The following FAM135B variants were observed in gnomAD, a reference collection of about 807,000 sequenced individuals.
FAM135B encodes family with sequence similarity 135 member B, also known as protein FAM135B.
In FAM135B, 43 loss-of-function variants were observed where a neutral mutation model predicts 127.7. The ratio of observed to expected loss-of-function variants is 0.34; its 90% CI spans 0.26 to 0.43. FAM135B has a LOEUF of 0.43. Ranked by LOEUF, FAM135B falls within the 20% of genes least tolerant of loss-of-function variation. The pLI, the probability that FAM135B is intolerant of heterozygous loss-of-function variation, is 1.00. For synonymous variants in FAM135B, 670 were observed against 665.1 expected, an observed-to-expected ratio of 1.01 and a Z score of -0.11; for missense variants, 1,558 against 1,725.6, an observed-to-expected ratio of 0.90 and a Z score of 1.72.
At chr8:138,404,331 T>A (rs7833707) in intron 1 of FAM135B, among the ~76,000 whole-genome samples, 60,683 of 151,994 alleles carry the variant, frequency 0.4, 12,591 homozygotes, top group African/African-American at 0.52. Context: ...ATTATAATAA[T>A]CATCTGAACC....
chr8:138,431,407 A>G (rs1337883556), intron 1 of FAM135B, among the ~76,000 whole-genome samples: 1 of 152,218 alleles, frequency 6.6e-6, no homozygotes, highest in Non-Finnish European at 1.5e-5. Flanking sequence ...ACCTGAAAGA[A>G]CGAGATAATG....
rs771996012 is a variant in FAM135B, at chr8:138,151,432, T to TC, written c.3042dup (p.Thr1015AspfsTer72). The TC allele has an allele frequency of 6.2e-7, 1 of 1,614,200 alleles. No individual in the cohort carries two copies. Among genetic ancestry groups the TC allele is most frequent in the South Asian group, 1.1e-5 (1 of 91,082 alleles). ...TCCAGAGTAAAGGTCTCTGCAGAAG[T>TC]CAGATGGGACCCCATGATGGAAGTG... On this transcript the variant is annotated frameshift_variant, in exon 13 of 20. Coordinates refer to ENST00000395297, the MANE Select transcript of FAM135B (RefSeq NM_015912.4). LOFTEE classifies it high-confidence loss of function.
At position 138,421,669 on chromosome 8, in the gene FAM135B, T is replaced by C. The variant is rs1834518469; in HGVS notation, c.-19-53667A>G. On this transcript the variant is annotated intron_variant, in intron 1 of 19. Coordinates refer to ENST00000395297, the MANE Select transcript of FAM135B (RefSeq NM_015912.4). ...AACAAATAGAAAAACATTCCATGCT[T>C]ATGGATAGGAAGAATAAACATTGTT... Among the ~76,000 whole-genome samples the C allele has an allele frequency of 2.0e-5, 3 of 152,140 alleles. No individual in the cohort carries two copies. In the South Asian group the frequency reaches 6.2e-4, roughly 32 times the overall value.
At chr8:138,441,013 C>A (rs1345243924) in intron 1 of FAM135B, 1 of 152,212 alleles carries the variant, frequency 6.6e-6, no homozygotes, top group African/African-American at 2.4e-5. Flanking sequence ...AGCGCCTGCA[C>A]CAAGACCCCC....
intron 2 of FAM135B, among the ~76,000 whole-genome samples, chr8:138,351,683 CTTTT>C (rs889424592): frequency 1.8e-5 from 2 of 109,474 alleles, no homozygotes; most frequent in South Asian, 3.3e-4. Context: ...TAGGGCAGAT[CTTTT>C]TTTTTTTTTT....
intron 7 of FAM135B, among the ~76,000 whole-genome samples, chr8:138,206,326 A>G (rs373153926): frequency 6.6e-6 from 1 of 150,432 alleles, no homozygotes; most frequent in Admixed American, 6.7e-5. Flanking sequence ...CAGCTCTATC[A>G]TCCCCTCCAC....
Position 138,146,067 on chromosome 8 carries a change from A to G in FAM135B, c.3449-17T>C. The G allele has an allele frequency of 7.2e-7, 1 of 1,398,316 alleles. No homozygotes were observed. Among genetic ancestry groups the G allele is most frequent in the Non-Finnish European group, 1.0e-6 (1 of 987,592 alleles). The allele number at this position is 1,398,316 out of a possible 1,614,324, so 86.6% of individuals were successfully genotyped here. On this transcript the variant is annotated splice_polypyrimidine_tract_variant and intron_variant, in intron 14 of 19. Coordinates refer to ENST00000395297, the MANE Select transcript of FAM135B (RefSeq NM_015912.4). ...CACTGTTCCCTAAAAATGACAGATA[A>G]CCCCCATCCCAGTCCCGTAGTTAGT...
Position 138,486,158 on chromosome 8 carries a change from C to T in FAM135B, c.-20+10513G>A, listed in dbSNP as rs140525920. ...TTGCACTTTTGCTGGTCAGTAGATG[C>T]TTTTAAGAGACAAGCAGAAGGAGTG... is the stretch of plus-strand genomic sequence containing the variant. On this transcript the variant is annotated intron_variant, in intron 1 of 19. Coordinates refer to ENST00000395297, the MANE Select transcript of FAM135B (RefSeq NM_015912.4). Among the ~76,000 whole-genome samples the T allele has an allele frequency of 2.6e-3, 395 of 151,916 alleles. 2 individuals carry two copies. Among genetic ancestry groups the T allele is most frequent in the African/African-American group, 9.1e-3 (379 of 41,422 alleles).
intron 2 of FAM135B, among the ~76,000 whole-genome samples, chr8:138,330,835 A>G (rs1446103025): frequency 6.6e-6 from 1 of 151,564 alleles, no homozygotes; most frequent in East Asian, 1.9e-4. Flanking sequence ...CCACTCTCAT[A>G]TAAATGTACA....
intron 4 of FAM135B, among the ~76,000 whole-genome samples, chr8:138,258,904 C>A (rs1822326723): frequency 1.3e-5 from 2 of 151,870 alleles, no homozygotes; most frequent in Non-Finnish European, 2.9e-5. Context: ...TTTCAAGGGT[C>A]ATTTATCTCA....
At chr8:138,197,048 A>C (rs114092361) in intron 8 of FAM135B, among the ~76,000 whole-genome samples, 2,339 of 151,848 alleles carry the variant, frequency 0.015, 52 homozygotes, top group African/African-American at 0.05. Context: ...TTCTATAATC[A>C]TCCAGCTCAA....
intron 3 of FAM135B, among the ~76,000 whole-genome samples, chr8:138,285,679 A>G (rs1052917271): frequency 1.3e-5 from 2 of 152,238 alleles, no homozygotes; most frequent in Non-Finnish European, 2.9e-5. Flanking sequence ...TGAGCAAAGT[A>G]CACTTACTTC....
chr8:138,370,086 C>T (rs533532793), intron 1 of FAM135B, among the ~76,000 whole-genome samples: 1 of 152,232 alleles, frequency 6.6e-6, no homozygotes, highest in East Asian at 1.9e-4. Context: ...GTATTGGCCC[C>T]GAGCCACACA....
chr8:138,269,456 C>G (rs146899225), intron 3 of FAM135B, among the ~76,000 whole-genome samples: 3 of 152,326 alleles, frequency 2.0e-5, no homozygotes, highest in Non-Finnish European at 4.4e-5. Flanking sequence ...TGCCCAAACA[C>G]CAGAAGACAA....
rs2131136084 is a variant in FAM135B at position 138,197,521 on chromosome 8, T to A, written c.818A>T (p.Glu273Val). 1.2e-6 allele frequency: 2 copies of A among 1,613,956 alleles called. No individual in the cohort carries two copies. The highest frequency in any genetic ancestry group is 1.7e-6 in the Non-Finnish European group (2 of 1,179,888). Reference sequence around the variant, plus strand: ...CCCCTGTCCTGGGCCCTTACCCAGCTCCGTGTGTGGCAGCTCTGGGATGTC... The same window carrying A: ...CCCCTGTCCTGGGCCCTTACCCAGCACCGTGTGTGGCAGCTCTGGGATGTC... ...MRDIPELPHT[E>V]LEALAVEETL... Residue 273 changes from glutamate to valine, a missense_variant, in exon 8 of 20, where the codon GAG becomes GTG. Glu to Val is a moderately radical substitution (Grantham distance 121). Coordinates refer to ENST00000395297, the MANE Select transcript of FAM135B (RefSeq NM_015912.4).
intron 7 of FAM135B, among the ~76,000 whole-genome samples, chr8:138,230,643 G>A (rs1819837946): frequency 6.6e-6 from 1 of 152,148 alleles, no homozygotes; most frequent in African/African-American, 2.4e-5. Context: ...TGTGCCCGCT[G>A]AGTCTCCTTC....
chr8:138,262,019 G>C (rs758047903), intron 4 of FAM135B, among the ~76,000 whole-genome samples: 3 of 152,170 alleles, frequency 2.0e-5, no homozygotes, highest in Non-Finnish European at 4.4e-5. Flanking sequence ...ATAACAATTA[G>C]CTGTGCCATT....
chr8:138,356,432 G>C (rs923254114), intron 2 of FAM135B, among the ~76,000 whole-genome samples: 7 of 152,106 alleles, frequency 4.6e-5, no homozygotes, highest in Non-Finnish European at 8.8e-5. Flanking sequence ...CTTCCTCTAT[G>C]ATTTAGGGAT....
intron 7 of FAM135B, among the ~76,000 whole-genome samples, chr8:138,214,918 T>C (rs1251398326): frequency 6.6e-6 from 1 of 152,058 alleles, no homozygotes; most frequent in Non-Finnish European, 1.5e-5. Flanking sequence ...ACTGTCTGGA[T>C]AAGAAGGAAT....
Sources: allele counts gnomAD v4.1 joint callset (sites outside exome capture counted in the v4.1 genomes callset), GRCh38; gene constraint gnomAD v4.1.1; transcripts MANE v1.5; gene names NCBI Gene and HGNC (gene_info 2026-07-23, HGNC 2026-07-21).